VEPH1: variants seen among roughly 807,000 people sequenced by gnomAD.
The protein encoded by VEPH1 is ventricular zone expressed PH domain containing 1.
A neutral mutation model predicts 85.2 loss-of-function variants in VEPH1; 80 were observed. The ratio of observed to expected loss-of-function variants is 0.94; its 90% CI spans 0.78 to 1.13. The LOEUF (loss-of-function observed/expected upper bound fraction) is 1.13, where lower values mean the gene tolerates loss of function less well. Among genes scored for constraint, VEPH1 ranks in the 50% most tolerant of loss-of-function variants. The pLI is 0.00. For synonymous variants in VEPH1, 297 were observed against 348.0 expected (o/e 0.85, Z 1.63); for missense variants, 955 against 980.5 (o/e 0.97, Z 0.35).
At position 157,460,219 on chromosome 3, in the gene VEPH1, G is replaced by T; in HGVS notation, c.491C>A (p.Ala164Asp). 1 of 1,614,136 alleles carries T rather than the reference G, an allele frequency of 6.2e-7. No individual in the cohort carries two copies. Among genetic ancestry groups the T allele is most frequent in the Non-Finnish European group, 8.5e-7 (1 of 1,180,032 alleles). ...LAAITKADLL[A>D]DHTEVIVKSI... Reference sequence around the variant, plus strand: ...CTTTACTATAACTTCCGTGTGATCAGCCAGGAGATCTGCCTTGGTAATTGC... The same window carrying T: ...CTTTACTATAACTTCCGTGTGATCATCCAGGAGATCTGCCTTGGTAATTGC... Residue 164 changes from alanine (A) to aspartate (D), a missense_variant, in exon 4 of 14, where the codon GCT (alanine) becomes GAT (aspartate). Ala to Asp is a moderately radical substitution (Grantham distance 126). Coordinates refer to ENST00000362010, the MANE Select transcript of VEPH1 (RefSeq NM_001167912.2).
intron 9 of VEPH1, among the ~76,000 whole-genome samples, chr3:157,319,281 A>T (rs1467652422): frequency 6.6e-6 from 1 of 152,212 alleles, no homozygotes; most frequent in Non-Finnish European, 1.5e-5. Flanking sequence ...TAAAATCAGA[A>T]ATCATGTCTG....
chr3:157,493,494 T>G (rs568865240), intron 2 of VEPH1, among the ~76,000 whole-genome samples: 1 of 152,280 alleles, frequency 6.6e-6, no homozygotes, highest in South Asian at 2.1e-4. Flanking sequence ...AACCTCAAAC[T>G]TGATATATGT....
intron 11 of VEPH1, among the ~76,000 whole-genome samples, chr3:157,295,819 A>G (rs1718055215): frequency 6.6e-6 from 1 of 151,878 alleles, no homozygotes; most frequent in Non-Finnish European, 1.5e-5. Context: ...GCTGGATGTG[A>G]TGGCACAGGC....
At chr3:157,451,871 A>G (rs1457368148) in intron 4 of VEPH1, among the ~76,000 whole-genome samples, 1 of 152,218 alleles carries the variant, frequency 6.6e-6, no homozygotes, top group Non-Finnish European at 1.5e-5. Context: ...ATAAAAAAAC[A>G]TCTAACAAGA....
chr3:157,455,424 C>T (rs554470905), intron 4 of VEPH1, among the ~76,000 whole-genome samples: 11 of 85,050 alleles, frequency 1.3e-4, no homozygotes, highest in African/African-American at 5.1e-4. Context: ...TGTCCTTTGC[C>T]GCCTTTTTTT....
At chr3:157,285,778 T>C (rs976114561) in intron 12 of VEPH1, among the ~76,000 whole-genome samples, 1 of 152,208 alleles carries the variant, frequency 6.6e-6, no homozygotes, top group East Asian at 1.9e-4. Context: ...GAAGGCAGAA[T>C]GGTGAAATGG....
intron 13 of VEPH1, among the ~76,000 whole-genome samples, chr3:157,263,177 G>T (rs1289769143): frequency 6.6e-6 from 1 of 152,106 alleles, no homozygotes; most frequent in Non-Finnish European, 1.5e-5. Context: ...GCTTCAGCAG[G>T]ATTGTTGACC....
intron 10 of VEPH1, among the ~76,000 whole-genome samples, chr3:157,316,506 A>G (rs538218483): frequency 6.6e-6 from 1 of 150,528 alleles, no homozygotes; most frequent in South Asian, 2.1e-4. Flanking sequence ...TTCAAATTTT[A>G]TGTGAAAGTT....
chr3:157,381,318 G>A lies in VEPH1; in HGVS notation c.965C>T (p.Ser322Leu), dbSNP rs780936966. The A allele has an allele frequency of 5.4e-5, 87 of 1,614,082 alleles. No homozygotes were observed. The highest frequency in any genetic ancestry group is 1.6e-4 in the Middle Eastern group (1 of 6,082). The change falls in exon 7 of 14, where the codon TCG becomes TTG. Residue 322 changes from serine (S) to leucine (L), a missense_variant. Transcript: ENST00000362010. Reference sequence around the variant, plus strand: ...CTCCAGCAGGAGAATATGGTGAAACGAATGCTCCATGTTGGCCAGTTGGCT... The same window carrying A: ...CTCCAGCAGGAGAATATGGTGAAACAAATGCTCCATGTTGGCCAGTTGGCT... The part of the protein sequence containing the change: ...LVSQLANMEH[S>L]FHHILLLEIK...
intron 3 of VEPH1, among the ~76,000 whole-genome samples, chr3:157,462,333 AT>A (rs1223483449): frequency 6.6e-6 from 1 of 152,102 alleles, no homozygotes; most frequent in African/African-American, 2.4e-5. Flanking sequence ...ATAATTACAG[AT>A]TTTAGCTATT....
intron 2 of VEPH1, among the ~76,000 whole-genome samples, chr3:157,490,812 A>G (rs1163762336): frequency 6.6e-6 from 1 of 152,226 alleles, no homozygotes; most frequent in Non-Finnish European, 1.5e-5. Flanking sequence ...TTAGAACTTT[A>G]GAAATAATTG....
intron 2 of VEPH1, among the ~76,000 whole-genome samples, chr3:157,473,475 T>C (rs1737166053): frequency 6.6e-6 from 1 of 152,116 alleles, no homozygotes; most frequent in South Asian, 2.1e-4. Flanking sequence ...TTGTGTTTCA[T>C]GCAGCCTTTC....
chr3:157,485,270 T>C (rs1738514941), intron 2 of VEPH1, among the ~76,000 whole-genome samples: 1 of 152,162 alleles, frequency 6.6e-6, no homozygotes, highest in Admixed American at 6.6e-5. Context: ...AGGTATCTAA[T>C]TCAGTTAGAA....
rs570888031 is a variant in VEPH1 at position 157,324,913 on chromosome 3, A to T, written c.1736-7712T>A. Among the ~76,000 whole-genome samples, 3 of 152,302 alleles carry T rather than the reference A, an allele frequency of 2.0e-5. No homozygotes were observed. In the South Asian group the frequency reaches 6.2e-4, roughly 32 times the overall value. ...CTCTAGGTCTTTGAGGAATTGCCAC[A>T]CTGTCTTCCACAATGGGTGAATTAA... On this transcript the variant is annotated intron_variant, in intron 9 of 13. Transcript: ENST00000362010.
At chr3:157,466,288 C>T (rs1736367204) in intron 3 of VEPH1, among the ~76,000 whole-genome samples, 8 of 152,068 alleles carry the variant, frequency 5.3e-5, no homozygotes, top group Admixed American at 5.2e-4. Context: ...TCTAGGTAAG[C>T]TGTACTTTGA....
intron 3 of VEPH1, among the ~76,000 whole-genome samples, chr3:157,463,170 T>A (rs1042677306): frequency 6.6e-6 from 1 of 152,186 alleles, no homozygotes; most frequent in African/African-American, 2.4e-5. Flanking sequence ...CACTTAAGCA[T>A]CCCTGCCTCC....
chr3:157,270,306 C>T (rs1227069499), intron 12 of VEPH1, among the ~76,000 whole-genome samples: 1 of 149,774 alleles, frequency 6.7e-6, no homozygotes, highest in African/African-American at 2.5e-5. Flanking sequence ...CAAAACAAAA[C>T]ACCAAAAAAC....
chr3:157,351,021 T>G lies in VEPH1; in HGVS notation c.1735+12343A>C, dbSNP rs540457806. The stretch of plus-strand genomic sequence containing the variant: ...ACACAGCAATCCCACTACTGGGCAT[T>G]TATCCTAAGGAAAGGAAATTATTAT... On this transcript the variant is annotated intron_variant, in intron 9 of 13. Transcript: ENST00000362010. 5.9e-5 allele frequency among the ~76,000 whole-genome samples: 9 copies of G among 152,334 alleles called. No individual in the cohort carries two copies. The South Asian group carries it at 1.9e-3, about 32-fold the overall frequency.
At chr3:157,478,065 C>T (rs1044874563) in intron 2 of VEPH1, among the ~76,000 whole-genome samples, 5 of 152,134 alleles carry the variant, frequency 3.3e-5, no homozygotes, top group African/African-American at 1.2e-4. Flanking sequence ...CTCATTCTCT[C>T]AGCTGTTGGT....
Sources: gnomAD v4.1 joint callset for allele counts (sites outside exome capture counted in the v4.1 genomes callset) on GRCh38, gnomAD v4.1.1 for gene constraint, MANE v1.5 for transcripts, NCBI Gene and HGNC (gene_info 2026-07-23, HGNC 2026-07-21) for gene names.